GABRB1: variants seen among roughly 807,000 people sequenced by gnomAD.
GABRB1 encodes the protein gamma-aminobutyric acid receptor subunit beta-1.
Under a neutral mutation model 51.6 loss-of-function variants are expected in GABRB1, and 17 were observed. The observed-to-expected ratio is 0.33, with a 90% CI of 0.23 to 0.49. The LOEUF is 0.49. Ranked by LOEUF, GABRB1 falls within the 20% of genes least tolerant of loss-of-function variation. GABRB1 has a pLI of 0.99. For missense variants in GABRB1, 410 were observed against 600.6 expected (o/e 0.68, Z 3.32); for synonymous variants, 247 against 218.9 (o/e 1.13, Z -1.14).
chr4:47,141,204 T>A lies in GABRB1; in HGVS notation c.241-20045T>A, dbSNP rs145704103. ...CCTGTATTGTGCTTCAGGAAAGAGG[T>A]AAAATCTGGAACTAGAAATCCACCA... On this transcript the variant is annotated intron_variant, in intron 3 of 8. Coordinates refer to ENST00000295454, the MANE Select transcript of GABRB1 (RefSeq NM_000812.4). Among the ~76,000 whole-genome samples, 298 of 151,970 alleles carry A rather than the reference T, an allele frequency of 2.0e-3. 1 individual carries two copies. Among genetic ancestry groups the A allele is most frequent in the African/African-American group, 6.7e-3 (278 of 41,498 alleles).
intron 4 of GABRB1, among the ~76,000 whole-genome samples, chr4:47,195,142 G>A (rs376861871): frequency 2.6e-5 from 4 of 152,070 alleles, no homozygotes; most frequent in African/African-American, 9.7e-5. Context: ...CGAGGCAGGC[G>A]GATCACGAGG....
chr4:47,182,956 T>C lies in GABRB1; in HGVS notation c.461+21487T>C, dbSNP rs532847224. ...TTCCCATATGCCAATTGTTTATTTA[T>C]TCATTTATTCAGGCTCTTTCTTCAG... On this transcript the variant is annotated intron_variant, in intron 4 of 8. Transcript: ENST00000295454. 5.9e-5 allele frequency among the ~76,000 whole-genome samples: 9 copies of C among 152,070 alleles called. No individual in the cohort carries two copies. The East Asian group carries it at 1.4e-3, about 23-fold the overall frequency.
At chr4:47,129,224 C>T (rs1176236536) in intron 3 of GABRB1, among the ~76,000 whole-genome samples, 1 of 151,976 alleles carries the variant, frequency 6.6e-6, no homozygotes, top group Non-Finnish European at 1.5e-5. Context: ...AATTAAATAT[C>T]CTGTTCAATT....
intron 3 of GABRB1, among the ~76,000 whole-genome samples, chr4:47,087,141 C>T (rs1728110804): frequency 6.6e-6 from 1 of 152,138 alleles, no homozygotes; most frequent in Admixed American, 6.6e-5. Flanking sequence ...ATACTTAATC[C>T]ATGAGGATGG....
At chr4:47,220,560 G>A (rs1008190032) in intron 4 of GABRB1, among the ~76,000 whole-genome samples, 2 of 151,760 alleles carry the variant, frequency 1.3e-5, no homozygotes, top group Non-Finnish European at 2.9e-5. Flanking sequence ...GGGCTTTACC[G>A]GTAATGAAAA....
At chr4:47,140,137 CACACAA>C (rs1716866140) in intron 3 of GABRB1, among the ~76,000 whole-genome samples, 1 of 132,702 alleles carries the variant, frequency 7.5e-6, no homozygotes, top group Admixed American at 7.6e-5. Context: ...CACACACACA[CACACAA>C]GATTCCAAAG....
chr4:47,053,171 C>T (rs1471042618), intron 3 of GABRB1, among the ~76,000 whole-genome samples: 2 of 152,178 alleles, frequency 1.3e-5, no homozygotes, highest in African/African-American at 4.8e-5. Flanking sequence ...AGCTCTGGAG[C>T]AAGAATGACC....
chr4:47,013,513 A>G (rs936839394), intron 1 of GABRB1, among the ~76,000 whole-genome samples: 7 of 152,150 alleles, frequency 4.6e-5, no homozygotes, highest in African/African-American at 1.7e-4. Context: ...GGAGAGTAGA[A>G]TCAGTTTTTG....
At chr4:47,376,163 T>G (rs949165649) in intron 5 of GABRB1, among the ~76,000 whole-genome samples, 3 of 152,156 alleles carry the variant, frequency 2.0e-5, no homozygotes, top group African/African-American at 7.2e-5. Context: ...AGTTTTGGGT[T>G]TGATTGAAAA....
intron 3 of GABRB1, among the ~76,000 whole-genome samples, chr4:47,129,121 G>T (rs200687215): frequency 6.6e-6 from 1 of 152,148 alleles, no homozygotes; most frequent in East Asian, 1.9e-4. Flanking sequence ...TTGGGGCAAA[G>T]TAGCCACAAC....
intron 1 of GABRB1, among the ~76,000 whole-genome samples, chr4:47,013,310 C>A (rs1177708325): frequency 1.3e-5 from 2 of 152,124 alleles, no homozygotes; most frequent in African/African-American, 4.8e-5. Flanking sequence ...TGGGTGCCCA[C>A]CACCATGCCC....
intron 4 of GABRB1, among the ~76,000 whole-genome samples, chr4:47,256,840 C>T (rs1008687805): frequency 2.6e-5 from 4 of 152,192 alleles, no homozygotes; most frequent in Non-Finnish European, 5.9e-5. Context: ...TACAATTCAA[C>T]ATTAGATTTG....
intron 4 of GABRB1, among the ~76,000 whole-genome samples, chr4:47,260,571 C>T (rs1722389974): frequency 6.6e-6 from 1 of 152,084 alleles, no homozygotes; most frequent in African/African-American, 2.4e-5. Context: ...TATTTTATTT[C>T]TCCTTCACTT....
chr4:47,365,115 G>T (rs1726931490), intron 5 of GABRB1, among the ~76,000 whole-genome samples: 1 of 152,202 alleles, frequency 6.6e-6, no homozygotes, highest in Admixed American at 6.5e-5. Flanking sequence ...CCTATCCTCA[G>T]TTCCTGTACA....
chr4:47,136,461 A>T (rs1367997502), intron 3 of GABRB1, among the ~76,000 whole-genome samples: 1 of 152,126 alleles, frequency 6.6e-6, no homozygotes, highest in Non-Finnish European at 1.5e-5. Flanking sequence ...AAAAGCATGG[A>T]TGAAAACAAT....
At chr4:47,320,624 C>T (rs1182921960) in intron 5 of GABRB1, among the ~76,000 whole-genome samples, 2 of 152,102 alleles carry the variant, frequency 1.3e-5, no homozygotes, top group South Asian at 4.1e-4. Context: ...AATAATGTGT[C>T]TTTCCTCATG....
intron 3 of GABRB1, among the ~76,000 whole-genome samples, chr4:47,062,729 G>T (rs528444304): frequency 9.2e-5 from 14 of 152,040 alleles, no homozygotes; most frequent in Non-Finnish European, 1.8e-4. Context: ...TAAACAAGGC[G>T]TCCTTAAGCA....
chr4:47,350,072 T>C (rs1181053735), intron 5 of GABRB1, among the ~76,000 whole-genome samples: 1 of 151,626 alleles, frequency 6.6e-6, no homozygotes, highest in African/African-American at 2.4e-5. Context: ...GTGACTGCAA[T>C]ATGCTTTATT....
chr4:47,189,237 G>A (rs1719326643), intron 4 of GABRB1, among the ~76,000 whole-genome samples: 1 of 151,856 alleles, frequency 6.6e-6, no homozygotes, highest in South Asian at 2.1e-4. Context: ...GAAAGTTTTG[G>A]AGTGAATGGA....
Sources: gnomAD v4.1 joint callset for allele counts (sites outside exome capture counted in the v4.1 genomes callset) on GRCh38, gnomAD v4.1.1 for gene constraint, MANE v1.5 for transcripts, NCBI Gene and HGNC (gene_info 2026-07-23, HGNC 2026-07-21) for gene names.